Variants in SLC9B2 observed in about 807,000 individuals in gnomAD.
SLC9B2 encodes the protein solute carrier family 9 member B2, also known as sodium/hydrogen exchanger 9B2.
SLC9B2 carries 39 observed loss-of-function variants against 52.2 expected under a neutral mutation model. The ratio of observed to expected loss-of-function variants is 0.75; its 90% confidence interval spans 0.58 to 0.98. The LOEUF (loss-of-function observed/expected upper bound fraction) is 0.98. SLC9B2 is among the 50% of genes least tolerant of loss of function. The pLI is 0.00. For synonymous variants in SLC9B2, 214 were observed against 227.0 expected (o/e 0.94, Z 0.51); for missense variants, 626 against 637.5 (o/e 0.98, Z 0.19).
Position 103,076,209 on chromosome 4 carries a change from A to C in SLC9B2, c.-68T>G, listed in dbSNP as rs1249707052. 2 of 152,438 alleles carry C rather than the reference A, an allele frequency of 1.3e-5. No homozygotes were observed. Among genetic ancestry groups the C allele is most frequent in the African/African-American group, 4.8e-5 (2 of 41,472 alleles). The allele number at this position is 152,438 out of a possible 1,614,324, so 9.4% of individuals were successfully genotyped here. A position where few individuals can be genotyped will look rare whatever the true frequency, so the allele number is the denominator to read the frequency against. On this transcript the variant is annotated 5_prime_UTR_variant, in exon 1 of 12. Coordinates refer to ENST00000394785, the MANE Select transcript of SLC9B2 (RefSeq NM_178833.7). ...CTGGCAGTCTCCGGCGAAGTCGACCAGGCTCCGTCTGAACGATTAGGAAAG... is the reference window on the plus strand; with the variant it reads ...CTGGCAGTCTCCGGCGAAGTCGACCCGGCTCCGTCTGAACGATTAGGAAAG...
At chr4:103,019,330 C>T (rs929313231), downstream of SLC9B2, among the ~76,000 whole-genome samples, 3 of 152,124 alleles carry the variant, frequency 2.0e-5, no homozygotes, top group Non-Finnish European at 4.4e-5. Context: ...TTCTTTCTTA[C>T]TGGCGAGTAT....
intron 9 of SLC9B2, among the ~76,000 whole-genome samples, chr4:103,038,276 G>A (rs1467791254): frequency 1.3e-5 from 2 of 152,168 alleles, no homozygotes; most frequent in Non-Finnish European, 2.9e-5. Flanking sequence ...GTCCTCAAAT[G>A]TGTTTCATAT....
intron 5 of SLC9B2, 80 bp from the exon 6 acceptor site, chr4:103,049,100 T>G: frequency 6.6e-7 from 1 of 1,510,260 alleles, no homozygotes. Context: ...TTCTCTTCAG[T>G]ATATGGACCA....
chr4:103,053,320 G>A (rs568680614), intron 4 of SLC9B2, among the ~76,000 whole-genome samples: 21 of 152,230 alleles, frequency 1.4e-4, no homozygotes, highest in African/African-American at 5.1e-4. Context: ...TTCAGATAAT[G>A]CTTCAGTTTT....
intron 1 of SLC9B2, among the ~76,000 whole-genome samples, chr4:103,069,516 T>C (rs2110667327): frequency 6.6e-6 from 1 of 152,372 alleles, no homozygotes; most frequent in Non-Finnish European, 1.5e-5. Flanking sequence ...TTCAATAGTG[T>C]TGGTTATTGC....
Position 103,026,086 on chromosome 4 carries a change from C to T in SLC9B2, c.*284G>A, listed in dbSNP as rs917908118. 2.2e-5 allele frequency: 5 copies of T among 227,802 alleles called. No individual in the cohort carries two copies. The allele number at this position is 227,802 out of a possible 1,614,324, so 14.1% of individuals were successfully genotyped here. On this transcript the variant is annotated 3_prime_UTR_variant, in exon 12 of 12. Transcript: ENST00000394785. ...AGGATACTGAAGCTGGTCTTTCCCA[C>T]ATTAACTGTAAACTGTGGTAGTACA...
In SLC9B2 at chr4:103,043,340, A is replaced by C; in HGVS notation, c.1102T>G (p.Leu368Val). Reference protein sequence around the residue: ...GFPGSGGLCTLVMAFLAGMGW... With the variant: ...GFPGSGGLCTVVMAFLAGMGW... ...ATGCCTGCAAGGAAAGCCATGACCA[A>C]CGTGCACAGTCCTCCTGATCCAGGG... The change falls in exon 9 of 12, where the codon TTG (leucine) becomes GTG (valine). Residue 368 changes from leucine to valine, a missense_variant. Physicochemically the swap from Leu to Val is conservative, Grantham distance 32. Transcript: ENST00000394785. 1.2e-6 allele frequency: 2 copies of C among 1,613,686 alleles called. No individual in the cohort carries two copies. The highest frequency in any genetic ancestry group is 1.7e-6 in the Non-Finnish European group (2 of 1,179,830).
chr4:103,057,463 C>T (rs1361515124), intron 4 of SLC9B2, among the ~76,000 whole-genome samples: 2 of 151,666 alleles, frequency 1.3e-5, no homozygotes, highest in African/African-American at 2.4e-5. Context: ...GTCACCATGC[C>T]CGGCTAATTT....
intron 7 of SLC9B2, among the ~76,000 whole-genome samples, chr4:103,045,686 G>A (rs1362777079): frequency 6.6e-6 from 1 of 152,092 alleles, no homozygotes; most frequent in African/African-American, 2.4e-5. Context: ...TGTAGCTTAT[G>A]AAAACCCCAC....
chr4:103,018,831 T>C (rs963993736), downstream of SLC9B2, among the ~76,000 whole-genome samples: 1 of 152,138 alleles, frequency 6.6e-6, no homozygotes, highest in Non-Finnish European at 1.5e-5. Flanking sequence ...TTGTGGCCTA[T>C]TAGGAACAGG....
At chr4:103,020,172 G>A (rs1014893303), downstream of SLC9B2, 3 of 300,024 alleles carry the variant, frequency 1.0e-5, no homozygotes, top group Admixed American at 9.4e-5. Flanking sequence ...GAATAAATGA[G>A]ACATGGCAAG....
chr4:103,022,233 G>A (rs938819777), downstream of SLC9B2, among the ~76,000 whole-genome samples: 1 of 152,112 alleles, frequency 6.6e-6, no homozygotes, highest in African/African-American at 2.4e-5. Flanking sequence ...GGGAGTAAAT[G>A]GATTTTAAAA....
At chr4:103,067,102 T>G (rs1259222696) in intron 2 of SLC9B2, among the ~76,000 whole-genome samples, 1 of 152,182 alleles carries the variant, frequency 6.6e-6, no homozygotes, top group Non-Finnish European at 1.5e-5. Context: ...TTTATAATAC[T>G]GGGTTTTAAA....
chr4:103,030,301 C>T (rs1210799428), intron 10 of SLC9B2, among the ~76,000 whole-genome samples: 1 of 152,090 alleles, frequency 6.6e-6, no homozygotes, highest in African/African-American at 2.4e-5. Flanking sequence ...TGATAAAGGG[C>T]AGCATTTAAG....
chr4:103,049,954 A>C (rs1355261459), intron 5 of SLC9B2, among the ~76,000 whole-genome samples: 2 of 151,754 alleles, frequency 1.3e-5, no homozygotes, highest in African/African-American at 4.8e-5. Flanking sequence ...CAGAGGTTGC[A>C]GTGAGCTGAG....
chr4:103,018,692 C>T (rs1047093706), downstream of SLC9B2, among the ~76,000 whole-genome samples: 1 of 152,048 alleles, frequency 6.6e-6, no homozygotes, highest in East Asian at 1.9e-4. Context: ...GGTATGGTCC[C>T]GTGAAGAGCT....
chr4:103,031,951 A>C (rs1742744173), intron 9 of SLC9B2, 143 bp from the exon 10 acceptor site: 3 of 710,916 alleles, frequency 4.2e-6, no homozygotes, highest in Middle Eastern at 3.7e-4. Context: ...TAGCTAGAAC[A>C]GAGCAAAAAA....
intron 3 of SLC9B2, among the ~76,000 whole-genome samples, chr4:103,062,374 G>A (rs1214162574): frequency 2.7e-5 from 4 of 149,956 alleles, no homozygotes; most frequent in South Asian, 4.2e-4. Context: ...AGCCGAGATC[G>A]AGCCATTGCA....
chr4:103,053,983 A>G (rs957586628), intron 4 of SLC9B2, among the ~76,000 whole-genome samples: 1 of 152,102 alleles, frequency 6.6e-6, no homozygotes, highest in African/African-American at 2.4e-5. Flanking sequence ...CTTTTTAAAG[A>G]CAGGTGATTC....
Sources: allele counts gnomAD v4.1 joint callset (sites outside exome capture counted in the v4.1 genomes callset), GRCh38; gene constraint gnomAD v4.1.1; transcripts MANE v1.5; gene names NCBI Gene and HGNC (gene_info 2026-07-23, HGNC 2026-07-21).